Variants in GLIS3 observed in about 807,000 individuals in gnomAD.
GLIS3 encodes GLIS family zinc finger 3, also known as zinc finger protein GLIS3.
Under a neutral mutation model 78.6 loss-of-function variants are expected in GLIS3, and 53 were observed. That is an observed-to-expected ratio of 0.67 (90% confidence interval 0.54 to 0.85). The LOEUF (loss-of-function observed/expected upper bound fraction) is 0.85. GLIS3 is among the 40% of genes least tolerant of loss of function. GLIS3 has a pLI of 0.00. For missense variants in GLIS3, 1,703 were observed against 1,231.1 expected (o/e 1.38, Z -5.74); for synonymous variants, 684 against 509.9 (o/e 1.34, Z -4.60).
intron 2 of GLIS3, among the ~76,000 whole-genome samples, chr9:4,226,159 T>C (rs917814944): frequency 5.9e-5 from 9 of 152,210 alleles, no homozygotes; most frequent in Admixed American, 2.6e-4. Flanking sequence ...AAAGTGACTC[T>C]TCTCAACAGA....
intron 1 of GLIS3, among the ~76,000 whole-genome samples, chr9:4,292,465 A>G (rs543310020): frequency 6.6e-6 from 1 of 152,320 alleles, no homozygotes; most frequent in East Asian, 1.9e-4. Flanking sequence ...TGTCTACCCA[A>G]GTACTTACCA....
chr9:4,217,049 T>C (rs182507412), intron 2 of GLIS3, among the ~76,000 whole-genome samples: 19 of 152,302 alleles, frequency 1.2e-4, no homozygotes, highest in Admixed American at 1.1e-3. Context: ...GAGTCATGGT[T>C]CCAAAGTTAA....
chr9:4,197,866 T>C (rs192885234), intron 2 of GLIS3, among the ~76,000 whole-genome samples: 4 of 150,792 alleles, frequency 2.7e-5, no homozygotes, highest in Non-Finnish European at 5.9e-5. Flanking sequence ...GCTGTAGAAG[T>C]AAAGCCAAAA....
chr9:4,377,697 CTAA>C, the GLIS3 span, among the ~76,000 whole-genome samples: 1 of 152,086 alleles, frequency 6.6e-6, no homozygotes, highest in East Asian at 1.9e-4. Context: ...TTACAAGACA[CTAA>C]TAATATTATT....
intron 4 of GLIS3, among the ~76,000 whole-genome samples, chr9:4,047,214 C>T (rs548293291): frequency 2.0e-5 from 3 of 152,176 alleles, no homozygotes; most frequent in South Asian, 2.1e-4. Context: ...CTCTGTCTCT[C>T]GCCTGCCACC....
At chr9:4,388,253 G>C in the GLIS3 span, among the ~76,000 whole-genome samples, 1,040 of 152,226 alleles carry the variant, frequency 6.8e-3, 17 homozygotes, top group African/African-American at 0.024. Context: ...AATATTAAAA[G>C]ATAAGAGTTT....
intron 4 of GLIS3, among the ~76,000 whole-genome samples, chr9:4,117,310 G>A (rs1831729848): frequency 6.6e-6 from 1 of 152,184 alleles, no homozygotes; most frequent in African/African-American, 2.4e-5. Flanking sequence ...GTTGCTAAGT[G>A]GTGAGTTCCT....
intron 2 of GLIS3, among the ~76,000 whole-genome samples, chr9:4,317,811 G>T (rs933527540): frequency 4.8e-4 from 73 of 152,160 alleles, no homozygotes; most frequent in Non-Finnish European, 1.0e-4. Context: ...TCAAACCATT[G>T]AGAGTGAATG....
chr9:4,448,001 G>A, the GLIS3 span, among the ~76,000 whole-genome samples: 3 of 152,124 alleles, frequency 2.0e-5, no homozygotes, highest in African/African-American at 7.2e-5. Context: ...GTCCTCCCAA[G>A]TCAGCTTCCC....
chr9:3,838,455 G>C (rs868319573), intron 9 of GLIS3, among the ~76,000 whole-genome samples: 2 of 152,108 alleles, frequency 1.3e-5, no homozygotes, highest in Admixed American at 6.5e-5. Flanking sequence ...CAAAGTCAGA[G>C]GGTAGAATAA....
chr9:3,895,778 T>C (rs548761819), intron 7 of GLIS3, among the ~76,000 whole-genome samples: 181 of 152,318 alleles, frequency 1.2e-3, no homozygotes, highest in Non-Finnish European at 1.6e-3. Flanking sequence ...AGAATTTCCA[T>C]TGCAAAACTA....
intron 9 of GLIS3, among the ~76,000 whole-genome samples, chr9:3,850,869 C>T (rs1819385881): frequency 6.6e-6 from 1 of 152,236 alleles, no homozygotes; most frequent in Non-Finnish European, 1.5e-5. Context: ...AATGCCTTTA[C>T]TCACTTGGCC....
intron 4 of GLIS3, among the ~76,000 whole-genome samples, chr9:3,983,235 G>A (rs1025017682): frequency 6.6e-6 from 1 of 152,160 alleles, no homozygotes; most frequent in Non-Finnish European, 1.5e-5. Flanking sequence ...TCTCTTCACT[G>A]CTGCCATCCA....
chr9:4,374,291 C>G, the GLIS3 span, among the ~76,000 whole-genome samples: 1 of 152,202 alleles, frequency 6.6e-6, no homozygotes, highest in Non-Finnish European at 1.5e-5. Flanking sequence ...GCTAAATCCT[C>G]TATATCTTAC....
chr9:4,201,428 G>C (rs1463326299), intron 2 of GLIS3, among the ~76,000 whole-genome samples: 7 of 152,182 alleles, frequency 4.6e-5, no homozygotes, highest in African/African-American at 1.7e-4. Flanking sequence ...TCTATACCTA[G>C]AAAACTCTAA....
At chr9:4,319,675 G>A (rs555886398) in intron 2 of GLIS3, among the ~76,000 whole-genome samples, 1 of 152,180 alleles carries the variant, frequency 6.6e-6, no homozygotes, top group East Asian at 1.9e-4. Context: ...GACTATAGGT[G>A]TTTGCCACCA....
At chr9:3,908,972 C>G (rs1823939358) in intron 6 of GLIS3, among the ~76,000 whole-genome samples, 1 of 152,148 alleles carries the variant, frequency 6.6e-6, no homozygotes, top group African/African-American at 2.4e-5. Context: ...AAACGAGGCA[C>G]AATCAAAGGC....
chr9:4,474,344 AAAAC>A, the GLIS3 span, among the ~76,000 whole-genome samples: 5 of 152,196 alleles, frequency 3.3e-5, no homozygotes, highest in African/African-American at 9.7e-5. Context: ...CATCTCTACA[AAAAC>A]AAACAAACAA....
chr9:4,224,497 G>C lies in GLIS3; in HGVS notation c.388+61541C>G, dbSNP rs1821598076. ...CTATCTTGTGTCTCATCATTAGGAA[G>C]AGTTCTGTGCTTCACTATTTAACCT... On this transcript the variant is annotated intron_variant, in intron 2 of 10. Transcript: ENST00000381971. 2.6e-5 allele frequency among the ~76,000 whole-genome samples: 4 copies of C among 152,162 alleles called. No individual in the cohort carries two copies. The South Asian group carries it at 8.3e-4, about 32-fold the overall frequency.
Sources: allele counts gnomAD v4.1 joint callset (sites outside exome capture counted in the v4.1 genomes callset), GRCh38; gene constraint gnomAD v4.1.1; transcripts MANE v1.5; gene names NCBI Gene and HGNC (gene_info 2026-07-23, HGNC 2026-07-21).